The following SPATA16 variants were observed in gnomAD, a reference collection of about 807,000 sequenced individuals.
The protein encoded by SPATA16 is spermatogenesis associated 16.
Under a neutral mutation model 63.3 loss-of-function variants are expected in SPATA16, and 36 were observed. That is an observed-to-expected ratio of 0.57 (90% CI 0.44 to 0.75). The LOEUF (loss-of-function observed/expected upper bound fraction) is 0.75. Ranked by LOEUF, SPATA16 falls within the 30% of genes least tolerant of loss-of-function variation. The probability of loss-of-function intolerance (pLI) is 0.00; values close to 1 mark genes in which losing one functional copy is unlikely to be tolerated. For missense variants in SPATA16, 646 were observed against 679.3 expected, an observed-to-expected ratio of 0.95 and a Z score of 0.54; for synonymous variants, 203 against 216.7, an observed-to-expected ratio of 0.94 and a Z score of 0.56.
intron 6 of SPATA16, among the ~76,000 whole-genome samples, chr3:172,954,554 C>T (rs1733527151): frequency 6.6e-6 from 1 of 152,244 alleles, no homozygotes; most frequent in Middle Eastern, 3.4e-3. Flanking sequence ...TAGCTATTAC[C>T]TTCGGCTACT....
At chr3:173,024,161 A>G (rs1315378373) in intron 3 of SPATA16, among the ~76,000 whole-genome samples, 2 of 151,568 alleles carry the variant, frequency 1.3e-5, no homozygotes, top group African/African-American at 4.8e-5. Context: ...TTAAACATGT[A>G]TTTTTAAAAA....
intron 4 of SPATA16, among the ~76,000 whole-genome samples, chr3:173,015,861 GGTGTGTGTGT>G (rs57049586): frequency 5.4e-5 from 8 of 148,748 alleles, no homozygotes; most frequent in African/African-American, 1.5e-4. Context: ...TCCCAAATGG[GGTGTGTGTGT>G]GTGTGTGTGT....
chr3:173,010,472 T>TGTGTG (rs1281653533), intron 4 of SPATA16, among the ~76,000 whole-genome samples: 44 of 103,748 alleles, frequency 4.2e-4, no homozygotes, highest in African/African-American at 1.7e-3. Flanking sequence ...GTGTGTGTGT[T>TGTGTG]TGTTTTTGTT....
intron 10 of SPATA16, among the ~76,000 whole-genome samples, chr3:172,892,165 C>T (rs1731905883): frequency 6.6e-6 from 1 of 152,092 alleles, no homozygotes; most frequent in Non-Finnish European, 1.5e-5. Context: ...TTTCTCTTGC[C>T]ACCATTCTTT....
chr3:172,940,573 C>T (rs1733120887), intron 6 of SPATA16, among the ~76,000 whole-genome samples: 1 of 151,996 alleles, frequency 6.6e-6, no homozygotes, highest in Non-Finnish European at 1.5e-5. Context: ...TTAAAAGTTG[C>T]CTTGAAAAAG....
chr3:173,001,420 A>G (rs1047400979), intron 4 of SPATA16, among the ~76,000 whole-genome samples: 3 of 152,170 alleles, frequency 2.0e-5, no homozygotes, highest in Non-Finnish European at 2.9e-5. Context: ...GCCTTGTTAA[A>G]GAACAGAATG....
At chr3:173,067,919 T>C (rs1448967890) in intron 2 of SPATA16, among the ~76,000 whole-genome samples, 3 of 152,206 alleles carry the variant, frequency 2.0e-5, no homozygotes, top group Non-Finnish European at 2.9e-5. Flanking sequence ...AGCAGATTTC[T>C]CAATGGAATC....
At chr3:173,024,700 G>A (rs931176531) in intron 3 of SPATA16, among the ~76,000 whole-genome samples, 1 of 150,372 alleles carries the variant, frequency 6.7e-6, no homozygotes, top group African/African-American at 2.4e-5. Flanking sequence ...AGTTGCTAGA[G>A]GTTTTATATT....
At chr3:173,088,020 TTCTTTC>T (rs1560118798) in intron 2 of SPATA16, among the ~76,000 whole-genome samples, 5 of 91,676 alleles carry the variant, frequency 5.5e-5, no homozygotes, top group Non-Finnish European at 1.1e-4. Context: ...CTTTCTTTCT[TTCTTTC>T]TTTCTTTCTT....
chr3:172,956,370 G>A (rs1560078330), intron 6 of SPATA16, among the ~76,000 whole-genome samples: 1 of 151,900 alleles, frequency 6.6e-6, no homozygotes, highest in South Asian at 2.1e-4. Context: ...ATCCTTTACT[G>A]GTAAAGGATA....
At chr3:172,973,788 G>A (rs1734095832) in intron 5 of SPATA16, among the ~76,000 whole-genome samples, 2 of 152,150 alleles carry the variant, frequency 1.3e-5, no homozygotes, top group African/African-American at 2.4e-5. Flanking sequence ...CTTAGTCTAA[G>A]CCTGACTTGG....
chr3:173,133,285 A>T (rs1386879037), intron 1 of SPATA16, among the ~76,000 whole-genome samples: 1 of 152,206 alleles, frequency 6.6e-6, no homozygotes, highest in Non-Finnish European at 1.5e-5. Context: ...GAAACACTGC[A>T]AAGCTGAAAG....
chr3:173,093,269 A>G (rs752848469), intron 2 of SPATA16, among the ~76,000 whole-genome samples: 1 of 152,156 alleles, frequency 6.6e-6, no homozygotes, highest in Non-Finnish European at 1.5e-5. Context: ...AAATATGACA[A>G]GCTATGTTGA....
At chr3:172,955,876 G>GTGTC (rs1733580811) in intron 6 of SPATA16, among the ~76,000 whole-genome samples, 1 of 152,096 alleles carries the variant, frequency 6.6e-6, no homozygotes. Context: ...TGAATGTAGA[G>GTGTC]TGTCTGGCAC....
At chr3:173,033,016 A>G (rs534765256) in intron 3 of SPATA16, among the ~76,000 whole-genome samples, 2 of 152,066 alleles carry the variant, frequency 1.3e-5, no homozygotes, top group Non-Finnish European at 2.9e-5. Flanking sequence ...CTCTCCACCA[A>G]CTTTTGTGCC....
intron 10 of SPATA16, among the ~76,000 whole-genome samples, chr3:172,913,374 G>A (rs1050670953): frequency 2.6e-5 from 4 of 152,058 alleles, no homozygotes; most frequent in Non-Finnish European, 5.9e-5. Flanking sequence ...TTATAAAACC[G>A]AGAACGAAGG....
intron 2 of SPATA16, among the ~76,000 whole-genome samples, chr3:173,085,418 A>T (rs367935923): frequency 1.3e-5 from 2 of 152,100 alleles, no homozygotes; most frequent in Non-Finnish European, 2.9e-5. Context: ...TTGGATTGAG[A>T]TGATGGGGTT....
intron 6 of SPATA16, among the ~76,000 whole-genome samples, chr3:172,948,680 C>T (rs1733355297): frequency 6.6e-6 from 1 of 152,014 alleles, no homozygotes; most frequent in South Asian, 2.1e-4. Context: ...GTTGTCTAGG[C>T]TGGTCTTGAA....
chr3:172,931,550 A>G (rs2109587442), intron 6 of SPATA16, among the ~76,000 whole-genome samples: 2 of 152,334 alleles, frequency 1.3e-5, no homozygotes, highest in Middle Eastern at 6.8e-3. Flanking sequence ...GCCTGGCCAC[A>G]TCTTTAAATT....
Sources: gnomAD v4.1 joint callset for allele counts (sites outside exome capture counted in the v4.1 genomes callset) on GRCh38, gnomAD v4.1.1 for gene constraint, MANE v1.5 for transcripts, NCBI Gene and HGNC (gene_info 2026-07-23, HGNC 2026-07-21) for gene names.